Variants in CSMD1 observed in about 807,000 individuals in gnomAD.
The protein encoded by CSMD1 is CUB and sushi domain-containing protein 1.
A neutral mutation model predicts 417.5 loss-of-function variants in CSMD1; 213 were observed. The observed-to-expected ratio is 0.51, with a 90% CI of 0.46 to 0.57. The LOEUF (loss-of-function observed/expected upper bound fraction) is 0.57. Ranked by LOEUF, CSMD1 falls within the 20% of genes least tolerant of loss-of-function variation. The probability of loss-of-function intolerance (pLI) is 0.00; values close to 1 mark genes in which losing one functional copy is unlikely to be tolerated. For synonymous variants in CSMD1, 2,862 were observed against 1,736.8 expected (o/e 1.65, Z -16.11); for missense variants, 6,923 against 4,529.7 (o/e 1.53, Z -15.17).
chr8:3,811,026 C>A (rs531480968), intron 5 of CSMD1, among the ~76,000 whole-genome samples: 1 of 152,106 alleles, frequency 6.6e-6, no homozygotes, highest in African/African-American at 2.4e-5. Flanking sequence ...TTGATCACTC[C>A]GTCTTACTGG....
intron 2 of CSMD1, among the ~76,000 whole-genome samples, chr8:4,605,085 T>A (rs1374280347): frequency 6.6e-6 from 1 of 152,224 alleles, no homozygotes; most frequent in Non-Finnish European, 1.5e-5. Flanking sequence ...AATGTGGAAC[T>A]TAAAATTAAC....
chr8:3,685,472 G>A lies in CSMD1; in HGVS notation c.1009+22942C>T, dbSNP rs575450177. On this transcript the variant is annotated intron_variant, in intron 7 of 69. Transcript: ENST00000635120. ...AAGGCTTTAATCGGATGCTGCAGCC[G>A]AAGGAGATGGGAGCTCAGACTCAAA... Among the ~76,000 whole-genome samples, 12 of 152,268 alleles carry A rather than the reference G, an allele frequency of 7.9e-5. No individual in the cohort carries two copies. In the South Asian group the frequency reaches 8.3e-4, roughly 11 times the overall value.
At chr8:3,413,081 C>A (rs764994284) in intron 12 of CSMD1, among the ~76,000 whole-genome samples, 1 of 152,186 alleles carries the variant, frequency 6.6e-6, no homozygotes, top group Admixed American at 6.5e-5. Context: ...GAGCTTCCTA[C>A]TTCCTACCTC....
At chr8:3,339,776 G>C (rs1320008582) in intron 23 of CSMD1, among the ~76,000 whole-genome samples, 1 of 152,100 alleles carries the variant, frequency 6.6e-6, no homozygotes, top group Non-Finnish European at 1.5e-5. Flanking sequence ...ATCTGTGTAA[G>C]GTGCGAAGAA....
chr8:3,719,783 T>A (rs1802046276), intron 6 of CSMD1, among the ~76,000 whole-genome samples: 1 of 152,180 alleles, frequency 6.6e-6, no homozygotes, highest in Middle Eastern at 3.2e-3. Context: ...CATTTCCAGT[T>A]CTACGTGTGT....
chr8:3,445,934 A>G (rs924959823), intron 12 of CSMD1, among the ~76,000 whole-genome samples: 23 of 152,204 alleles, frequency 1.5e-4, no homozygotes, highest in Non-Finnish European at 7.3e-5. Flanking sequence ...TTGTACAGAG[A>G]GACAGAGAGG....
At chr8:3,915,453 G>C (rs1430042406) in intron 5 of CSMD1, among the ~76,000 whole-genome samples, 1 of 146,656 alleles carries the variant, frequency 6.8e-6, no homozygotes, top group Non-Finnish European at 1.5e-5. Flanking sequence ...AGGTTCGGAA[G>C]ATCACTTCAA....
intron 3 of CSMD1, among the ~76,000 whole-genome samples, chr8:4,307,874 G>C (rs897403983): frequency 5.9e-5 from 9 of 152,160 alleles, no homozygotes; most frequent in East Asian, 1.9e-4. Context: ...TGAGCAAGAA[G>C]TGTTCAGTAG....
chr8:4,787,391 A>C (rs1797462144), intron 1 of CSMD1: 1 of 735,036 alleles, frequency 1.4e-6, no homozygotes, highest in Admixed American at 2.0e-5. Context: ...AAACAAAAGA[A>C]GTCTACGAAA....
At chr8:3,480,463 T>C (rs1235492684) in intron 11 of CSMD1, among the ~76,000 whole-genome samples, 1 of 152,160 alleles carries the variant, frequency 6.6e-6, no homozygotes, top group Admixed American at 6.5e-5. Context: ...AATCCAACTA[T>C]TTTTTATCAT....
intron 1 of CSMD1, among the ~76,000 whole-genome samples, chr8:4,871,861 GTTGGTCATTGC>G (rs370474179): frequency 1.1e-4 from 17 of 152,062 alleles, no homozygotes; most frequent in African/African-American, 4.1e-4. Flanking sequence ...CAGGTCTCCA[GTTGGTCATTGC>G]TTGATGGATG....
chr8:3,283,186 G>T (rs1802869051), intron 26 of CSMD1, among the ~76,000 whole-genome samples: 1 of 151,892 alleles, frequency 6.6e-6, no homozygotes, highest in Non-Finnish European at 1.5e-5. Flanking sequence ...CCCTAAGGTG[G>T]AAAAAAAATT....
intron 64 of CSMD1, 98 bp from the exon 65 acceptor site, chr8:2,954,366 T>C (rs953538890): frequency 5.0e-5 from 34 of 682,332 alleles, no homozygotes; most frequent in Middle Eastern, 3.7e-4. Flanking sequence ...TTTCTCCAGA[T>C]TTTTTTAATG....
chr8:3,809,564 G>C (rs1449965506), intron 5 of CSMD1, among the ~76,000 whole-genome samples: 4 of 152,108 alleles, frequency 2.6e-5, no homozygotes, highest in African/African-American at 7.2e-5. Context: ...GATTCACTGG[G>C]AGAGCTTGTG....
At chr8:3,128,585 T>C (rs1050609349) in intron 41 of CSMD1, 1 of 293,266 alleles carries the variant, frequency 3.4e-6, no homozygotes, top group South Asian at 3.2e-5. Flanking sequence ...TTGACTTACA[T>C]ATCAGAGTTA....
chr8:4,281,047 G>A (rs950049859), intron 3 of CSMD1, among the ~76,000 whole-genome samples: 1 of 152,066 alleles, frequency 6.6e-6, no homozygotes, highest in African/African-American at 2.4e-5. Flanking sequence ...TGGTCTCTCT[G>A]GCTTCATGTG....
At chr8:3,545,294 G>A (rs922793) in intron 10 of CSMD1, among the ~76,000 whole-genome samples, 2 of 152,066 alleles carry the variant, frequency 1.3e-5, no homozygotes, top group African/African-American at 4.8e-5. Context: ...GATTTTCAAA[G>A]TTGCTTTTAT....
At chr8:3,029,046 T>C (rs1410592176) in intron 51 of CSMD1, among the ~76,000 whole-genome samples, 2 of 152,154 alleles carry the variant, frequency 1.3e-5, no homozygotes, top group Non-Finnish European at 2.9e-5. Context: ...TAGGTTTGTA[T>C]TTGTCTTTGA....
At chr8:4,273,800 G>A (rs180691239) in intron 3 of CSMD1, among the ~76,000 whole-genome samples, 1 of 152,228 alleles carries the variant, frequency 6.6e-6, no homozygotes, top group South Asian at 2.1e-4. Flanking sequence ...GTGTATGTCT[G>A]GTGAAACCTG....
Sources: gnomAD v4.1 joint callset for allele counts (sites outside exome capture counted in the v4.1 genomes callset) on GRCh38, gnomAD v4.1.1 for gene constraint, MANE v1.5 for transcripts, NCBI Gene and HGNC (gene_info 2026-07-23, HGNC 2026-07-21) for gene names.